The following LAMA2 variants were observed in gnomAD, a reference collection of about 807,000 sequenced individuals.
LAMA2 encodes laminin subunit alpha-2.
LAMA2 carries 269 observed loss-of-function variants against 364.8 expected under a neutral mutation model. That is an observed-to-expected ratio of 0.74 (90% CI 0.67 to 0.82). The LOEUF (loss-of-function observed/expected upper bound fraction) is 0.82. Among genes scored for constraint, LAMA2 ranks in the 40% least tolerant of loss-of-function variants. The pLI is 0.00. For synonymous variants in LAMA2, 1,379 were observed against 1,370.6 expected (o/e 1.01, Z -0.14); for missense variants, 3,807 against 3,873.2 (o/e 0.98, Z 0.45).
chr6:129,369,507 G>T (rs1351050828), intron 33 of LAMA2, among the ~76,000 whole-genome samples: 1 of 152,080 alleles, frequency 6.6e-6, no homozygotes, highest in African/African-American at 2.4e-5. Context: ...CCTTAAATGG[G>T]CCAGGCAAGG....
At chr6:129,195,745 T>C (rs1465958225) in intron 12 of LAMA2, among the ~76,000 whole-genome samples, 1 of 152,216 alleles carries the variant, frequency 6.6e-6, no homozygotes, top group East Asian at 1.9e-4. Context: ...AGGGCATTTG[T>C]TTAAGCAACT....
chr6:129,389,256 G>T (rs1219847385), intron 35 of LAMA2, among the ~76,000 whole-genome samples: 1 of 152,172 alleles, frequency 6.6e-6, no homozygotes, highest in Non-Finnish European at 1.5e-5. Context: ...AAATATTTCT[G>T]CTAATTAAAC....
At chr6:129,079,011 T>C (rs1271639808) in intron 3 of LAMA2, among the ~76,000 whole-genome samples, 2 of 152,192 alleles carry the variant, frequency 1.3e-5, no homozygotes, top group Non-Finnish European at 2.9e-5. Context: ...CCAATGTCTA[T>C]GTATAAGTAG....
chr6:128,931,243 A>T (rs183940671), intron 1 of LAMA2, among the ~76,000 whole-genome samples: 1 of 152,226 alleles, frequency 6.6e-6, no homozygotes, highest in African/African-American at 2.4e-5. Flanking sequence ...TGTTTAAAAA[A>T]TAACTAAATA....
rs183386118 is a variant in LAMA2 at position 129,365,094 on chromosome 6, G to A, written c.4718-1125G>A. On this transcript the variant is annotated intron_variant, in intron 32 of 64. Transcript: ENST00000421865. ...TATTGGGGATGACATTTCAATATGA[G>A]ATTTGGATGGGGACACAGATCCAAA... 8.1e-4 allele frequency among the ~76,000 whole-genome samples: 124 copies of A among 152,316 alleles called. 1 individual carries two copies. The highest frequency in any genetic ancestry group is 1.3e-4 in the Non-Finnish European group (9 of 68,026).
intron 58 of LAMA2, among the ~76,000 whole-genome samples, chr6:129,500,499 G>A (rs1785546176): frequency 6.6e-6 from 1 of 152,146 alleles, no homozygotes; most frequent in Non-Finnish European, 1.5e-5. Flanking sequence ...CTTCTTGAGG[G>A]CTGCCCGTTG....
chr6:129,492,238 G>C, intron 57 of LAMA2, 77 bp from the exon 58 acceptor site: 1 of 1,494,024 alleles, frequency 6.7e-7, no homozygotes. Flanking sequence ...ACTTAAAAAG[G>C]CATGCGGGGA....
chr6:129,482,801 C>T (rs912636545), intron 55 of LAMA2, among the ~76,000 whole-genome samples: 3 of 152,124 alleles, frequency 2.0e-5, no homozygotes, highest in Non-Finnish European at 4.4e-5. Context: ...TGGCTCACGC[C>T]TGTAATCCCA....
intron 28 of LAMA2, among the ~76,000 whole-genome samples, chr6:129,322,110 C>A (rs151323829): frequency 6.6e-6 from 1 of 152,184 alleles, no homozygotes; most frequent in African/African-American, 2.4e-5. Context: ...ATAACTGCAA[C>A]TGTTTTGTGA....
intron 1 of LAMA2, among the ~76,000 whole-genome samples, chr6:129,041,212 G>A (rs1203232745): frequency 6.6e-6 from 1 of 152,160 alleles, no homozygotes; most frequent in Non-Finnish European, 1.5e-5. Flanking sequence ...AGCCTTCCCT[G>A]TGCCACACAG....
chr6:129,335,304 G>A (rs748223305), intron 29 of LAMA2, among the ~76,000 whole-genome samples: 19 of 151,996 alleles, frequency 1.3e-4, no homozygotes, highest in East Asian at 1.9e-4. Flanking sequence ...AGGGGATAGC[G>A]GGAGGTAAGT....
chr6:129,176,241 T>C (rs1186230723), intron 9 of LAMA2, among the ~76,000 whole-genome samples: 1 of 152,034 alleles, frequency 6.6e-6, no homozygotes, highest in African/African-American at 2.4e-5. Flanking sequence ...AGTTGAATTT[T>C]GCATAAAATT....
At chr6:129,183,090 C>A (rs1452279643) in intron 10 of LAMA2, among the ~76,000 whole-genome samples, 3 of 151,884 alleles carry the variant, frequency 2.0e-5, no homozygotes, top group Non-Finnish European at 4.4e-5. Context: ...GCAGTGCTAG[C>A]TCAAGACACT....
At chr6:129,267,439 A>G (rs1347486482) in intron 16 of LAMA2, among the ~76,000 whole-genome samples, 2 of 152,126 alleles carry the variant, frequency 1.3e-5, no homozygotes, top group African/African-American at 2.4e-5. Context: ...ATCAAGAATT[A>G]AATTAGAATC....
intron 40 of LAMA2, among the ~76,000 whole-genome samples, chr6:129,409,132 C>T (rs1192959250): frequency 6.6e-6 from 1 of 152,190 alleles, no homozygotes; most frequent in Non-Finnish European, 1.5e-5. Context: ...CAACCAGGTG[C>T]CCTGCTCAAA....
intron 1 of LAMA2, among the ~76,000 whole-genome samples, chr6:129,040,859 G>A (rs891829507): frequency 3.9e-5 from 6 of 152,250 alleles, no homozygotes; most frequent in African/African-American, 1.4e-4. Flanking sequence ...TATATCATAG[G>A]ACTTGTAAAG....
intron 16 of LAMA2, among the ~76,000 whole-genome samples, chr6:129,268,856 G>A (rs748648833): frequency 2.0e-5 from 3 of 151,982 alleles, no homozygotes; most frequent in Non-Finnish European, 2.9e-5. Context: ...ACTTTCAAGT[G>A]CCCTTTCTCC....
intron 4 of LAMA2, among the ~76,000 whole-genome samples, chr6:129,109,132 G>A (rs1775995346): frequency 6.6e-6 from 1 of 152,154 alleles, no homozygotes; most frequent in South Asian, 2.1e-4. Flanking sequence ...GGGCCACACC[G>A]TATTAAATAG....
At chr6:128,889,970 A>G (rs976621613) in intron 1 of LAMA2, among the ~76,000 whole-genome samples, 2 of 152,178 alleles carry the variant, frequency 1.3e-5, no homozygotes, top group Non-Finnish European at 2.9e-5. Flanking sequence ...TGACATGCCT[A>G]ATCTAGTTCA....
Sources: gnomAD v4.1 joint callset for allele counts (sites outside exome capture counted in the v4.1 genomes callset) on GRCh38, gnomAD v4.1.1 for gene constraint, MANE v1.5 for transcripts, NCBI Gene and HGNC (gene_info 2026-07-23, HGNC 2026-07-21) for gene names.